The following SEC11A variants were observed in gnomAD, a reference collection of about 807,000 sequenced individuals.
SEC11A encodes signal peptidase complex catalytic subunit SEC11A.
SEC11A carries 14 observed loss-of-function variants against 25.6 expected under a neutral mutation model. The observed-to-expected ratio is 0.55, with a 90% CI of 0.36 to 0.85. The LOEUF is 0.85. Among genes scored for constraint, SEC11A ranks in the 40% least tolerant of loss-of-function variants. The probability of loss-of-function intolerance (pLI) is 0.01; values close to 1 mark genes in which losing one functional copy is unlikely to be tolerated. For synonymous variants in SEC11A, 83 were observed against 76.4 expected, an observed-to-expected ratio of 1.09 and a Z score of -0.45; for missense variants, 153 against 222.9, an observed-to-expected ratio of 0.69 and a Z score of 2.00.
chr15:84,684,664 G>C (rs1897367949), intron 3 of SEC11A, among the ~76,000 whole-genome samples: 1 of 152,114 alleles, frequency 6.6e-6, no homozygotes, highest in Admixed American at 6.6e-5. Context: ...GGGTGCAGTG[G>C]GTCATGCCTG....
At chr15:84,692,982 C>T (rs541871634) in intron 1 of SEC11A, among the ~76,000 whole-genome samples, 2 of 151,922 alleles carry the variant, frequency 1.3e-5, no homozygotes, top group East Asian at 1.9e-4. Flanking sequence ...AGTAGCCAGA[C>T]GTGGTAATTT....
chr15:84,708,685 G>A (rs980816013), intron 1 of SEC11A, among the ~76,000 whole-genome samples: 1 of 152,114 alleles, frequency 6.6e-6, no homozygotes, highest in African/African-American at 2.4e-5. Context: ...CTACTTGGGA[G>A]GCTGAGGTGG....
At position 84,674,078 on chromosome 15, in the gene SEC11A, G is replaced by A. The variant is rs555761832; in HGVS notation, c.432-3296C>T. On this transcript the variant is annotated intron_variant, in intron 4 of 5. Coordinates refer to ENST00000268220, the MANE Select transcript of SEC11A (RefSeq NM_014300.4). ...TGAGATGCACATATAGGTGTGTGATGGCAAATAATATCCCTTCTTAGGGTT... is the reference window on the plus strand; with the variant it reads ...TGAGATGCACATATAGGTGTGTGATAGCAAATAATATCCCTTCTTAGGGTT... Among the ~76,000 whole-genome samples, 53 of 152,086 alleles carry A rather than the reference G, an allele frequency of 3.5e-4. 1 individual carries two copies. In the South Asian group the frequency reaches 0.011, roughly 32 times the overall value.
intron 1 of SEC11A, among the ~76,000 whole-genome samples, chr15:84,695,171 A>T (rs1285692179): frequency 6.7e-6 from 1 of 149,766 alleles, no homozygotes; most frequent in Non-Finnish European, 1.5e-5. Context: ...ATTAAAAAAA[A>T]ATATCCAGAG....
At chr15:84,694,504 C>T (rs1897701534) in intron 1 of SEC11A, among the ~76,000 whole-genome samples, 1 of 152,174 alleles carries the variant, frequency 6.6e-6, no homozygotes, top group South Asian at 2.1e-4. Context: ...AGTATACACA[C>T]ATACATACAA....
At chr15:84,692,218 A>C (rs781275320) in intron 1 of SEC11A, 1 of 151,712 alleles carries the variant, frequency 6.6e-6, no homozygotes, top group Non-Finnish European at 1.5e-5. Flanking sequence ...TTTTAGTAGA[A>C]ACTGGGTTTC....
At chr15:84,678,091 G>A (rs1443292958) in intron 4 of SEC11A, among the ~76,000 whole-genome samples, 1 of 151,960 alleles carries the variant, frequency 6.6e-6, no homozygotes, top group Admixed American at 6.6e-5. Flanking sequence ...CAACTACTTG[G>A]GTGGCTGAGA....
chr15:84,710,209 G>T (rs1898219452), intron 1 of SEC11A, among the ~76,000 whole-genome samples: 1 of 152,166 alleles, frequency 6.6e-6, no homozygotes, highest in Non-Finnish European at 1.5e-5. Context: ...AGAAGTCTCA[G>T]ATCTATAAAA....
At chr15:84,713,224 T>G (rs1025320998) in intron 1 of SEC11A, among the ~76,000 whole-genome samples, 10 of 150,658 alleles carry the variant, frequency 6.6e-5, no homozygotes, top group African/African-American at 2.4e-4. Context: ...TATCAAATGG[T>G]ACACTTTAAA....
chr15:84,676,906 CACA>C lies in SEC11A; in HGVS notation c.431+3804_431+3806del, dbSNP rs1897148802. On this transcript the variant is annotated intron_variant, in intron 4 of 5. Coordinates refer to ENST00000268220, the MANE Select transcript of SEC11A (RefSeq NM_014300.4). ...AGGAGTTCAAGACCAGCCTGGGCAA[CACA>C]AGGAGAGCCAATCTCTACAAAAATT... is the stretch of plus-strand genomic sequence containing the variant. 7.2e-5 allele frequency among the ~76,000 whole-genome samples: 11 copies of C among 151,826 alleles called. No homozygotes were observed. The East Asian group carries it at 9.7e-4, about 13-fold the overall frequency.
intron 3 of SEC11A, among the ~76,000 whole-genome samples, chr15:84,682,020 C>G (rs955934803): frequency 4.6e-5 from 7 of 152,152 alleles, no homozygotes; most frequent in African/African-American, 1.7e-4. Context: ...GATTGCGTCA[C>G]TGCACTCTAG....
At chr15:84,706,495 C>T (rs1898097544) in intron 1 of SEC11A, among the ~76,000 whole-genome samples, 2 of 152,116 alleles carry the variant, frequency 1.3e-5, no homozygotes, top group African/African-American at 2.4e-5. Context: ...CAACCCAATT[C>T]AGGTAGGACT....
chr15:84,684,146 C>T (rs900036321), intron 3 of SEC11A, among the ~76,000 whole-genome samples: 1 of 152,126 alleles, frequency 6.6e-6, no homozygotes, highest in Non-Finnish European at 1.5e-5. Context: ...TTTCTCTTTC[C>T]AAATACTTAA....
In SEC11A at chr15:84,710,646, A is replaced by G. The variant is rs148926565; in HGVS notation, c.51+5379T>C. Among the ~76,000 whole-genome samples the G allele has an allele frequency of 9.9e-5, 15 of 152,180 alleles. 1 individual carries two copies. The highest frequency in any genetic ancestry group is 9.2e-4 in the Admixed American group (14 of 15,252). On this transcript the variant is annotated intron_variant, in intron 1 of 5. Transcript: ENST00000268220. ...GAGCAAGATTCTGTCTCAAATAAAA[A>G]AGTGATTGTTAAAATTTGCTACACT...
chr15:84,687,795 T>A (rs753628612), intron 2 of SEC11A, 21 bp from the exon 3 acceptor site: 1 of 1,572,594 alleles, frequency 6.4e-7, no homozygotes, highest in Admixed American at 2.2e-5. Flanking sequence ...AAGAAGAATA[T>A]AACAGCAAAA....
chr15:84,690,379 T>G (rs1390088882), intron 2 of SEC11A, among the ~76,000 whole-genome samples: 1 of 152,194 alleles, frequency 6.6e-6, no homozygotes, highest in Non-Finnish European at 1.5e-5. Flanking sequence ...GTAAACCTCT[T>G]TCTTTCGTAA....
chr15:84,707,334 C>A (rs988839588), intron 1 of SEC11A, among the ~76,000 whole-genome samples: 11 of 151,808 alleles, frequency 7.2e-5, no homozygotes, highest in South Asian at 4.2e-4. Context: ...TACAGGCATG[C>A]GCCACCAGGC....
intron 3 of SEC11A, among the ~76,000 whole-genome samples, chr15:84,684,894 G>C (rs944828275): frequency 7.2e-5 from 11 of 152,090 alleles, no homozygotes; most frequent in Admixed American, 1.3e-4. Flanking sequence ...CTCGCACCAT[G>C]AACTCCAGCC....
chr15:84,689,649 C>A (rs1270294761), intron 2 of SEC11A, among the ~76,000 whole-genome samples: 4 of 151,038 alleles, frequency 2.6e-5, no homozygotes, highest in Admixed American at 2.6e-4. Context: ...CAATTGTCAC[C>A]CAGGCTGGAG....
Sources: gnomAD v4.1 joint callset for allele counts (sites outside exome capture counted in the v4.1 genomes callset) on GRCh38, gnomAD v4.1.1 for gene constraint, MANE v1.5 for transcripts, NCBI Gene and HGNC (gene_info 2026-07-23, HGNC 2026-07-21) for gene names.